Variants in SUPT3H observed in about 807,000 individuals in gnomAD.
SUPT3H encodes transcription initiation protein SPT3 homolog.
Under a neutral mutation model 44.3 loss-of-function variants are expected in SUPT3H, and 44 were observed. The observed-to-expected ratio is 0.99, with a 90% CI of 0.78 to 1.28. The LOEUF is 1.28. Among genes scored for constraint, SUPT3H ranks in the 50% most tolerant of loss-of-function variants. SUPT3H has a pLI of 0.00. For synonymous variants in SUPT3H, 124 were observed against 125.6 expected, an observed-to-expected ratio of 0.99 and a Z score of 0.09; for missense variants, 380 against 387.1, an observed-to-expected ratio of 0.98 and a Z score of 0.15.
chr6:45,263,552 T>A (rs951940184), intron 2 of SUPT3H, among the ~76,000 whole-genome samples: 1 of 152,076 alleles, frequency 6.6e-6, no homozygotes, highest in East Asian at 1.9e-4. Flanking sequence ...ACCTGGGTGA[T>A]GAGATAATTC....
intron 2 of SUPT3H, among the ~76,000 whole-genome samples, chr6:45,277,207 A>G (rs1777162770): frequency 6.6e-6 from 1 of 152,204 alleles, no homozygotes; most frequent in South Asian, 2.1e-4. Flanking sequence ...ATAAATTCTA[A>G]TACTTCATAG....
intron 2 of SUPT3H, among the ~76,000 whole-genome samples, chr6:45,117,185 T>C (rs902981622): frequency 2.0e-5 from 3 of 152,094 alleles, no homozygotes; most frequent in Non-Finnish European, 4.4e-5. Context: ...GAACAAGTCA[T>C]AGGCCAATTA....
chr6:45,246,883 G>C (rs1361614938), intron 2 of SUPT3H, among the ~76,000 whole-genome samples: 1 of 152,026 alleles, frequency 6.6e-6, no homozygotes, highest in African/African-American at 2.4e-5. Flanking sequence ...TAGAAAAGAA[G>C]GTCTTAAGTC....
At chr6:45,190,951 A>G (rs935945969) in intron 2 of SUPT3H, among the ~76,000 whole-genome samples, 12 of 152,092 alleles carry the variant, frequency 7.9e-5, no homozygotes, top group African/African-American at 2.9e-4. Flanking sequence ...AGGAACTCTC[A>G]TTCACTGCTG....
chr6:45,258,443 T>A (rs189223245), intron 2 of SUPT3H, among the ~76,000 whole-genome samples: 23 of 152,318 alleles, frequency 1.5e-4, no homozygotes, highest in Non-Finnish European at 3.2e-4. Flanking sequence ...GAAAGGTAAA[T>A]CTTGATCAGT....
intron 6 of SUPT3H, among the ~76,000 whole-genome samples, chr6:44,990,573 T>C (rs1159883800): frequency 2.0e-5 from 3 of 152,140 alleles, no homozygotes; most frequent in Non-Finnish European, 2.9e-5. Context: ...TTCCCAGTGT[T>C]GGAAATGGGG....
intron 2 of SUPT3H, among the ~76,000 whole-genome samples, chr6:45,272,566 T>C (rs4521587): frequency 0.13 from 19,786 of 152,182 alleles, 1,531 homozygotes; most frequent in East Asian, 0.26. Context: ...AATGGGCTAA[T>C]ACATTGACCT....
At chr6:44,919,227 A>G (rs566121808) in intron 10 of SUPT3H, among the ~76,000 whole-genome samples, 2 of 152,186 alleles carry the variant, frequency 1.3e-5, no homozygotes, top group Non-Finnish European at 2.9e-5. Flanking sequence ...AAAAGCTGCT[A>G]ATCAAAGTTT....
At chr6:45,243,746 G>A (rs1259599851) in intron 2 of SUPT3H, among the ~76,000 whole-genome samples, 1 of 152,082 alleles carries the variant, frequency 6.6e-6, no homozygotes, top group African/African-American at 2.4e-5. Context: ...AAACTACTAA[G>A]TAAAAATTTT....
intron 2 of SUPT3H, among the ~76,000 whole-genome samples, chr6:45,108,279 C>G (rs963133599): frequency 8.5e-5 from 13 of 152,166 alleles, no homozygotes; most frequent in African/African-American, 1.2e-4. Context: ...AGTTTGAGAC[C>G]AGCCTGGGCA....
chr6:45,111,266 C>T (rs1243058773), intron 2 of SUPT3H, among the ~76,000 whole-genome samples: 1 of 151,922 alleles, frequency 6.6e-6, no homozygotes, highest in African/African-American at 2.4e-5. Context: ...CTCCTGACCT[C>T]GTGATCTGCC....
At chr6:45,074,681 C>T (rs933290841) in intron 3 of SUPT3H, among the ~76,000 whole-genome samples, 1 of 151,996 alleles carries the variant, frequency 6.6e-6, no homozygotes, top group African/African-American at 2.4e-5. Context: ...AAAGTTGTGA[C>T]TGGAAAGGAG....
At chr6:44,836,139 C>T (rs551338) in intron 10 of SUPT3H, among the ~76,000 whole-genome samples, 3,103 of 152,160 alleles carry the variant, frequency 0.02, 41 homozygotes, top group Non-Finnish European at 0.033. Flanking sequence ...TGGTCTAAGA[C>T]TCTTAAAATC....
intron 2 of SUPT3H, among the ~76,000 whole-genome samples, chr6:45,182,031 A>G (rs183719738): frequency 6.6e-6 from 1 of 152,148 alleles, no homozygotes. Context: ...TTCTCTGAAC[A>G]TAATCATAAT....
At chr6:44,999,499 T>C (rs958888978) in intron 6 of SUPT3H, among the ~76,000 whole-genome samples, 3 of 152,032 alleles carry the variant, frequency 2.0e-5, no homozygotes, top group African/African-American at 4.8e-5. Context: ...ATGTGCTGGT[T>C]GAAGGTGTGA....
Position 44,931,819 on chromosome 6 carries a change from TA to T in SUPT3H, c.912+833del, listed in dbSNP as rs561743107. Among the ~76,000 whole-genome samples, 386 of 152,268 alleles carry T rather than the reference TA, an allele frequency of 2.5e-3. 2 individuals are homozygous for T. Among genetic ancestry groups the T allele is most frequent in the African/African-American group, 8.5e-3 (352 of 41,566 alleles). On this transcript the variant is annotated intron_variant, in intron 10 of 10. Transcript: ENST00000371459. ...ACAAAATCATGACTTTTATGAATAGTAAAATCCACTCAGGTAAAAATGTATA... is the reference window on the plus strand; with the variant it reads ...ACAAAATCATGACTTTTATGAATAGTAAATCCACTCAGGTAAAAATGTATA...
At chr6:45,158,201 G>GAGATAGAT (rs3054762) in intron 2 of SUPT3H, among the ~76,000 whole-genome samples, 1,886 of 121,894 alleles carry the variant, frequency 0.015, 17 homozygotes, top group Middle Eastern at 0.033. Context: ...AGAAACCATA[G>GAGATAGAT]AGATAGATAG....
chr6:45,314,298 T>C (rs896231922), intron 2 of SUPT3H, among the ~76,000 whole-genome samples: 1 of 152,064 alleles, frequency 6.6e-6, no homozygotes, highest in Non-Finnish European at 1.5e-5. Flanking sequence ...GCCAGAACAA[T>C]CCGACAAGAG....
intron 2 of SUPT3H, among the ~76,000 whole-genome samples, chr6:45,186,183 G>A (rs1814182658): frequency 6.6e-6 from 1 of 152,086 alleles, no homozygotes; most frequent in Non-Finnish European, 1.5e-5. Context: ...GTGGGAAGGT[G>A]AGAATATACT....
Sources: allele counts gnomAD v4.1 joint callset (sites outside exome capture counted in the v4.1 genomes callset), GRCh38; gene constraint gnomAD v4.1.1; transcripts MANE v1.5; gene names NCBI Gene and HGNC (gene_info 2026-07-23, HGNC 2026-07-21).